The following CDH3 variants were observed in gnomAD, a reference collection of about 807,000 sequenced individuals.
CDH3 encodes the protein cadherin 3.
Under a neutral mutation model 82.0 loss-of-function variants are expected in CDH3, and 54 were observed. The ratio of observed to expected loss-of-function variants is 0.66; its 90% CI spans 0.53 to 0.83. The LOEUF is 0.83. CDH3 is among the 40% of genes least tolerant of loss of function. CDH3 has a pLI of 0.00. For synonymous variants in CDH3, 446 were observed against 437.9 expected (o/e 1.02, Z -0.23); for missense variants, 1,054 against 1,084.6 (o/e 0.97, Z 0.40).
At chr16:68,706,802 C>T (rs1020413484) in intron 1 of CDH3, among the ~76,000 whole-genome samples, 9 of 152,048 alleles carry the variant, frequency 5.9e-5, no homozygotes, top group Admixed American at 3.3e-4. Flanking sequence ...GATCCGCCTG[C>T]CTCAGCCTCA....
downstream of CDH3, among the ~76,000 whole-genome samples, chr16:68,732,467 G>A (rs1299510732): frequency 1.3e-5 from 2 of 152,204 alleles, no homozygotes; most frequent in East Asian, 3.8e-4. Flanking sequence ...TCTGTCCTCT[G>A]CCATAAGGAA....
downstream of CDH3, among the ~76,000 whole-genome samples, chr16:68,700,832 C>T (rs997367733): frequency 6.6e-6 from 1 of 152,094 alleles, no homozygotes; most frequent in South Asian, 2.1e-4. Context: ...CCAGCCCAGG[C>T]GACAGAGTGA....
At chr16:68,731,454 ATATACACATATATATATACACACACAC>A (rs1962291225), downstream of CDH3, among the ~76,000 whole-genome samples, 1 of 16,972 alleles carries the variant, frequency 5.9e-5, no homozygotes. Context: ...ACACACACGT[ATATACACATATATATATACACACACAC>A]GTATATACAC....
intron 4 of CDH3, 58 bp downstream of exon 4, chr16:68,678,335 G>T: frequency 6.2e-7 from 1 of 1,603,932 alleles, no homozygotes; most frequent in Non-Finnish European, 8.5e-7. Context: ...CCATCCAAAG[G>T]CCTGCATGAG....
intron 1 of CDH3, among the ~76,000 whole-genome samples, chr16:68,711,059 C>T (rs1962023573): frequency 1.3e-5 from 2 of 149,638 alleles, no homozygotes; most frequent in African/African-American, 2.5e-5. Context: ...GCCTGTAATC[C>T]CAGCACTTTG....
intron 13 of CDH3, among the ~76,000 whole-genome samples, chr16:68,692,766 A>G (rs1961610844): frequency 6.6e-6 from 1 of 152,244 alleles, no homozygotes; most frequent in Non-Finnish European, 1.5e-5. Flanking sequence ...CTTAATATAG[A>G]CAACACACAT....
intron 8 of CDH3, among the ~76,000 whole-genome samples, chr16:68,682,033 G>A (rs1029616652): frequency 6.6e-6 from 1 of 152,090 alleles, no homozygotes; most frequent in African/African-American, 2.4e-5. Flanking sequence ...AGGGGCTTGG[G>A]CATGCAAACC....
downstream of CDH3, among the ~76,000 whole-genome samples, chr16:68,731,666 G>A (rs11865537): frequency 0.81 from 120,743 of 149,834 alleles, 49,407 homozygotes; most frequent in Non-Finnish European, 0.89. Flanking sequence ...ATGAAACCCC[G>A]TCTCTACAAA....
chr16:68,681,563 C>T (rs1365524559), intron 8 of CDH3, among the ~76,000 whole-genome samples: 1 of 152,314 alleles, frequency 6.6e-6, no homozygotes, highest in Non-Finnish European at 1.5e-5. Flanking sequence ...ACGCCAGGGG[C>T]GGTGGCTCAC....
chr16:68,682,620 T>A, intron 9 of CDH3, 133 bp downstream of exon 9: 1 of 826,264 alleles, frequency 1.2e-6, no homozygotes, highest in Non-Finnish European at 2.1e-6. Flanking sequence ...AACACTGTTC[T>A]ACCACTCTTG....
intron 2 of CDH3, among the ~76,000 whole-genome samples, chr16:68,664,828 T>G (rs1960690916): frequency 6.6e-6 from 1 of 151,926 alleles, no homozygotes; most frequent in South Asian, 2.1e-4. Flanking sequence ...CCAGCTAATT[T>G]TGGTAGAGAT....
intron 1 of CDH3, 69 bp from the exon 2 acceptor site, chr16:68,645,567 G>A: frequency 6.8e-7 from 1 of 1,460,502 alleles, no homozygotes; most frequent in Non-Finnish European, 9.3e-7. Flanking sequence ...TGAGGACCCT[G>A]CGGTGTGGGG....
At chr16:68,696,927 A>ACCTCACATGCCTCTT (rs1961739261) in intron 15 of CDH3, 1 of 151,904 alleles carries the variant, frequency 6.6e-6, no homozygotes, top group South Asian at 2.1e-4. Context: ...ACAGCGCCTC[A>ACCTCACATGCCTCTT]ATATTTTTCC....
intron 2 of CDH3, among the ~76,000 whole-genome samples, chr16:68,648,284 A>G (rs1219487101): frequency 6.6e-6 from 1 of 152,148 alleles, no homozygotes. Context: ...AGGGCCTGGT[A>G]CCTTACAGGA....
chr16:68,664,494 G>A (rs1960682383), intron 2 of CDH3, among the ~76,000 whole-genome samples: 2 of 152,180 alleles, frequency 1.3e-5, no homozygotes, highest in Middle Eastern at 3.4e-3. Context: ...ATAGGTGGGC[G>A]GTCGGCAGGG....
At chr16:68,713,866 G>A (rs923116379) in intron 1 of CDH3, among the ~76,000 whole-genome samples, 10 of 152,018 alleles carry the variant, frequency 6.6e-5, no homozygotes, top group African/African-American at 1.7e-4. Context: ...CCTACCTGGT[G>A]TGCCTTTTCT....
chr16:68,645,713 AG>A lies in CDH3; in HGVS notation c.125del (p.Gly42AlafsTer46). ...REAEVTLEAG[G>X]AEQEPGQALG... ...AGGCTGAAGTGACCTTGGAGGCGGG[AG>A]GCGCGGAGCAGGAGCCCGGCCAGGC... On this transcript the variant is annotated frameshift_variant, in exon 2 of 16. Transcript: ENST00000264012. LOFTEE classifies it high-confidence loss of function. 1 of 1,545,600 alleles carries A rather than the reference AG, an allele frequency of 6.5e-7. No individual in the cohort carries two copies. The highest frequency in any genetic ancestry group is 2.4e-5 in the East Asian group (1 of 40,884).
chr16:68,654,380 A>ATTTTTTTTTTTTTTTTTTT lies in CDH3; in HGVS notation c.160+8650_160+8668dup, dbSNP rs1176713669. Among the ~76,000 whole-genome samples, 8 of 48,494 alleles carry ATTTTTTTTTTTTTTTTTTT rather than the reference A, an allele frequency of 1.6e-4. 1 individual carries two copies. Among genetic ancestry groups the ATTTTTTTTTTTTTTTTTTT allele is most frequent in the African/African-American group, 7.8e-4 (8 of 10,292 alleles). 31.8% of individuals were successfully genotyped at this position (48,494 alleles called of 152,430 possible). A position where few individuals can be genotyped will look rare whatever the true frequency, so the allele number is the denominator to read the frequency against. On this transcript the variant is annotated intron_variant, in intron 2 of 15. Coordinates refer to ENST00000264012, the MANE Select transcript of CDH3 (RefSeq NM_001793.6). ...GGCCTTTTTCTTAATTTTTAAATTAATTTTTTTTTTTTTTTTTTTTTTTTT... is the reference window on the plus strand; with the variant it reads ...GGCCTTTTTCTTAATTTTTAAATTAATTTTTTTTTTTTTTTTTTTTTTTTTTTTTTTTTTTTTTTTTTTT...
At chr16:68,662,151 A>T (rs1020143042) in intron 2 of CDH3, among the ~76,000 whole-genome samples, 1 of 152,222 alleles carries the variant, frequency 6.6e-6, no homozygotes, top group Non-Finnish European at 1.5e-5. Flanking sequence ...GAAAGATGTC[A>T]GGAGTTAACT....
Sources: gnomAD v4.1 joint callset for allele counts (sites outside exome capture counted in the v4.1 genomes callset) on GRCh38, gnomAD v4.1.1 for gene constraint, MANE v1.5 for transcripts, NCBI Gene and HGNC (gene_info 2026-07-23, HGNC 2026-07-21) for gene names.